Variants in TBCEL observed in about 807,000 individuals in gnomAD.
TBCEL encodes the protein tubulin folding cofactor E like.
Under a neutral mutation model 44.2 loss-of-function variants are expected in TBCEL, and 15 were observed. That is an observed-to-expected ratio of 0.34 (90% CI 0.23 to 0.52). The LOEUF is 0.52. Ranked by LOEUF, TBCEL falls within the 20% of genes least tolerant of loss-of-function variation. The probability of loss-of-function intolerance (pLI) is 0.95; values close to 1 mark genes in which losing one functional copy is unlikely to be tolerated. For missense variants in TBCEL, 319 were observed against 506.3 expected (o/e 0.63, Z 3.55); for synonymous variants, 171 against 185.4 (o/e 0.92, Z 0.63).
At chr11:121,084,733 G>A (rs576744425) in intron 8 of TBCEL, among the ~76,000 whole-genome samples, 17 of 152,158 alleles carry the variant, frequency 1.1e-4, no homozygotes, top group African/African-American at 3.9e-4. Flanking sequence ...GTTGGGTTCA[G>A]TTCTTATTTG....
intron 5 of TBCEL, among the ~76,000 whole-genome samples, chr11:121,054,580 G>C (rs938380065): frequency 6.6e-6 from 1 of 151,868 alleles, no homozygotes; most frequent in African/African-American, 2.4e-5. Flanking sequence ...CCTGGCATAG[G>C]GTCTGACACA....
At chr11:121,073,965 G>T (rs931379943) in intron 8 of TBCEL, among the ~76,000 whole-genome samples, 1 of 151,588 alleles carries the variant, frequency 6.6e-6, no homozygotes, top group Admixed American at 6.6e-5. Flanking sequence ...AATGTTATTT[G>T]GGATGTTTCC....
chr11:121,079,480 C>T (rs930726116), intron 8 of TBCEL, among the ~76,000 whole-genome samples: 4 of 152,172 alleles, frequency 2.6e-5, no homozygotes, highest in African/African-American at 9.7e-5. Context: ...TTGTAATCTC[C>T]ACCCTTCCTT....
chr11:121,055,417 A>T, intron 6 of TBCEL, 109 bp downstream of exon 6: 1 of 1,191,664 alleles, frequency 8.4e-7, no homozygotes, highest in Non-Finnish European at 1.1e-6. Context: ...TTTTAGAGTG[A>T]ATTTTCTATA....
At chr11:121,035,733 C>A (rs974543841) in intron 1 of TBCEL, 2 of 151,890 alleles carry the variant, frequency 1.3e-5, no homozygotes, top group Non-Finnish European at 2.9e-5. Context: ...GTGTTCACAG[C>A]GGAAAGAAAA....
chr11:121,039,999 T>C (rs1945302480), intron 2 of TBCEL, among the ~76,000 whole-genome samples: 1 of 152,230 alleles, frequency 6.6e-6, no homozygotes, highest in Non-Finnish European at 1.5e-5. Flanking sequence ...TCCATTTTTG[T>C]GAAAGCTATG....
intron 8 of TBCEL, among the ~76,000 whole-genome samples, chr11:121,067,649 G>C (rs1297523606): frequency 6.6e-6 from 1 of 152,188 alleles, no homozygotes; most frequent in African/African-American, 2.4e-5. Context: ...GCCGTCATCT[G>C]TGCCGTGTTT....
chr11:121,090,687 A>G lies in TBCEL; in HGVS notation c.*3591A>G, dbSNP rs1946276734. 1 of 149,918 alleles carries G rather than the reference A, an allele frequency of 6.7e-6. No individual in the cohort carries two copies. 9.3% of individuals were successfully genotyped at this position (149,918 alleles called of 1,614,324 possible). ...TATATATATATATTTTATTTAGAAT[A>G]TAATTTAAACATGAAGGTCTATTCT... is the stretch of plus-strand genomic sequence containing the variant. On this transcript the variant is annotated 3_prime_UTR_variant, in exon 9 of 9. Coordinates refer to ENST00000683345, the MANE Select transcript of TBCEL (RefSeq NM_001363644.2).
At chr11:121,080,259 C>A (rs555911483) in intron 8 of TBCEL, among the ~76,000 whole-genome samples, 30 of 152,214 alleles carry the variant, frequency 2.0e-4, no homozygotes, top group African/African-American at 7.2e-4. Context: ...ATAGCATTAC[C>A]TAGAGTAAAG....
At chr11:121,032,691 C>A (rs560416921) in intron 1 of TBCEL, among the ~76,000 whole-genome samples, 27 of 152,058 alleles carry the variant, frequency 1.8e-4, no homozygotes, top group African/African-American at 6.0e-4. Context: ...AGTGAAGTCA[C>A]CAACAAAAAG....
intron 1 of TBCEL, among the ~76,000 whole-genome samples, chr11:121,025,018 G>C (rs983030894): frequency 4.6e-5 from 7 of 152,206 alleles, no homozygotes; most frequent in Non-Finnish European, 7.4e-5. Flanking sequence ...GACATTCTGG[G>C]AATTGGTGAA....
intron 2 of TBCEL, among the ~76,000 whole-genome samples, chr11:121,042,291 G>A (rs1945348269): frequency 6.6e-6 from 1 of 152,086 alleles, no homozygotes; most frequent in Non-Finnish European, 1.5e-5. Context: ...AATTCTGTTG[G>A]CATTCTGCTT....
At chr11:121,054,599 A>T (rs1945587658) in intron 5 of TBCEL, 1 of 152,316 alleles carries the variant, frequency 6.6e-6, no homozygotes. Context: ...CAGGGTAGGG[A>T]TTCAATAAAT....
At chr11:121,083,692 T>C (rs1352442512) in intron 8 of TBCEL, among the ~76,000 whole-genome samples, 1 of 152,228 alleles carries the variant, frequency 6.6e-6, no homozygotes, top group Non-Finnish European at 1.5e-5. Context: ...GTTTTATATT[T>C]AGATTCAGGG....
intron 1 of TBCEL, among the ~76,000 whole-genome samples, chr11:121,030,701 T>C (rs1245276571): frequency 1.3e-5 from 2 of 152,178 alleles, no homozygotes; most frequent in Admixed American, 1.3e-4. Context: ...GTTTTTGCCT[T>C]CCTGATCATA....
At chr11:121,059,158 G>C (rs1945674319) in intron 7 of TBCEL, among the ~76,000 whole-genome samples, 1 of 151,870 alleles carries the variant, frequency 6.6e-6, no homozygotes, top group South Asian at 2.1e-4. Context: ...AAAGAAGAGT[G>C]GTTCTTTAAA....
chr11:121,029,936 TC>T (rs1945114475), intron 1 of TBCEL, among the ~76,000 whole-genome samples: 1 of 152,288 alleles, frequency 6.6e-6, no homozygotes, highest in Admixed American at 6.5e-5. Flanking sequence ...GACTGACAAA[TC>T]CCTGCTTGTG....
chr11:121,070,911 G>C (rs902184381), intron 8 of TBCEL, among the ~76,000 whole-genome samples: 1 of 151,944 alleles, frequency 6.6e-6, no homozygotes, highest in African/African-American at 2.4e-5. Flanking sequence ...GATATGTGTG[G>C]TGGAGATTGC....
intron 8 of TBCEL, 70 bp from the exon 9 acceptor site, chr11:121,086,708 T>G (rs1412437101): frequency 8.9e-7 from 1 of 1,121,238 alleles, no homozygotes; most frequent in Non-Finnish European, 1.3e-6. Flanking sequence ...TGTTTATCTG[T>G]AGTTGGGAAG....
Sources: allele counts gnomAD v4.1 joint callset (sites outside exome capture counted in the v4.1 genomes callset), GRCh38; gene constraint gnomAD v4.1.1; transcripts MANE v1.5; gene names NCBI Gene and HGNC (gene_info 2026-07-23, HGNC 2026-07-21).